The following ZNF512 variants were observed in gnomAD, a reference collection of about 807,000 sequenced individuals.
The protein encoded by ZNF512 is zinc finger protein 512.
Under a neutral mutation model 77.5 loss-of-function variants are expected in ZNF512, and 25 were observed. The observed-to-expected ratio is 0.32, with a 90% CI of 0.23 to 0.45. ZNF512 has a LOEUF of 0.45. ZNF512 is among the 20% of genes least tolerant of loss of function. ZNF512 has a pLI of 1.00. For missense variants in ZNF512, 483 were observed against 692.6 expected (o/e 0.70, Z 3.40); for synonymous variants, 246 against 239.9 (o/e 1.03, Z -0.24).
chr2:27,621,083 C>G, intron 13 of ZNF512, 70 bp from the exon 14 acceptor site: 1 of 1,535,270 alleles, frequency 6.5e-7, no homozygotes, highest in Non-Finnish European at 8.8e-7. Flanking sequence ...TTTTTCCATT[C>G]TTCCTCCACC....
At chr2:27,601,155 T>C (rs1008430157) in intron 6 of ZNF512, among the ~76,000 whole-genome samples, 4 of 152,254 alleles carry the variant, frequency 2.6e-5, no homozygotes, top group South Asian at 2.1e-4. Flanking sequence ...ATTTGGTTAA[T>C]GGTAATTCTT....
At chr2:27,614,084 A>G (rs958605623) in intron 10 of ZNF512, among the ~76,000 whole-genome samples, 3 of 152,158 alleles carry the variant, frequency 2.0e-5, no homozygotes, top group South Asian at 4.1e-4. Context: ...TTATAGATTT[A>G]CCAGAGGTTC....
At chr2:27,610,545 T>TGTGTGC (rs57413964) in intron 10 of ZNF512, among the ~76,000 whole-genome samples, 342 of 18,890 alleles carry the variant, frequency 0.018, 16 homozygotes, top group African/African-American at 0.081. Context: ...TATGTGTGTG[T>TGTGTGC]ATATATATAT....
chr2:27,600,937 A>G (rs1672090642), intron 6 of ZNF512, 122 bp downstream of exon 6: 2 of 1,290,472 alleles, frequency 1.5e-6, no homozygotes, highest in South Asian at 1.7e-5. Flanking sequence ...TAAAGGAAAC[A>G]TAGGCTTTGG....
chr2:27,616,377 C>A, intron 12 of ZNF512, 53 bp downstream of exon 12: 2 of 1,399,590 alleles, frequency 1.4e-6, no homozygotes, highest in Non-Finnish European at 2.0e-6. Flanking sequence ...AATAGTCTGA[C>A]ATGGAAGAGA....
intron 2 of ZNF512, among the ~76,000 whole-genome samples, chr2:27,584,784 T>G (rs1318921180): frequency 2.6e-5 from 4 of 152,280 alleles, no homozygotes; most frequent in Non-Finnish European, 2.9e-5. Context: ...AGTAGTTCTG[T>G]ATGTCTGGGA....
intron 13 of ZNF512, among the ~76,000 whole-genome samples, chr2:27,617,950 C>CTTT (rs34050504): frequency 3.1e-5 from 4 of 128,260 alleles, no homozygotes; most frequent in Non-Finnish European, 6.5e-5. Flanking sequence ...TCCTTGAACT[C>CTTT]TTTTTTTTTT....
At chr2:27,602,711 C>T (rs1672176011) in intron 8 of ZNF512, 150 bp downstream of exon 8, 1 of 654,336 alleles carries the variant, frequency 1.5e-6, no homozygotes, top group Admixed American at 3.7e-5. Context: ...TTATTTTCTT[C>T]CTTATTTCCA....
intron 3 of ZNF512, among the ~76,000 whole-genome samples, chr2:27,598,628 C>CA (rs761293599): frequency 0.011 from 786 of 73,286 alleles, 3 homozygotes; most frequent in Middle Eastern, 0.025. Flanking sequence ...GACTCCGTCT[C>CA]AAAAAAAAAA....
chr2:27,621,132 A>G, intron 13 of ZNF512, 21 bp from the exon 14 acceptor site: 2 of 1,597,986 alleles, frequency 1.3e-6, no homozygotes, highest in Non-Finnish European at 1.7e-6. Context: ...ACTGGATGAC[A>G]TTTCTATTTT....
At chr2:27,617,067 C>A (rs1000410750) in intron 12 of ZNF512, 5 of 178,662 alleles carry the variant, frequency 2.8e-5, no homozygotes, top group Admixed American at 2.8e-4. Context: ...TTTGAAGGCA[C>A]TTTTTGCGAC....
In ZNF512 at chr2:27,591,882, G is replaced by A. The variant is rs77474786; in HGVS notation, c.90-6185G>A. Reference sequence around the variant, plus strand: ...CTGCCTTGTGGCATTCTTGGTTTCTGTTGAGAAACCCATGGTCATTTAAAT... The same window carrying A: ...CTGCCTTGTGGCATTCTTGGTTTCTATTGAGAAACCCATGGTCATTTAAAT... On this transcript the variant is annotated intron_variant, in intron 2 of 13. Transcript: ENST00000355467. 5.2e-3 allele frequency among the ~76,000 whole-genome samples: 793 copies of A among 152,338 alleles called. 1 individual carries two copies. Among genetic ancestry groups the A allele is most frequent in the Non-Finnish European group, 7.6e-3 (519 of 68,028 alleles).
At chr2:27,593,679 T>C (rs72852141) in intron 2 of ZNF512, among the ~76,000 whole-genome samples, 260 of 152,322 alleles carry the variant, frequency 1.7e-3, no homozygotes, top group African/African-American at 6.1e-3. Flanking sequence ...TTGGTGTTTG[T>C]TGAGCTCCTT....
At chr2:27,595,680 A>G (rs1379090166) in intron 2 of ZNF512, among the ~76,000 whole-genome samples, 1 of 152,110 alleles carries the variant, frequency 6.6e-6, no homozygotes, top group Non-Finnish European at 1.5e-5. Flanking sequence ...TTCCTCTGTC[A>G]TCTCCATTCT....
chr2:27,606,660 C>T (rs1672377100), intron 9 of ZNF512, among the ~76,000 whole-genome samples: 2 of 152,112 alleles, frequency 1.3e-5, no homozygotes, highest in Admixed American at 1.3e-4. Context: ...TGTGCCTGGC[C>T]CTCAGTGTAT....
At chr2:27,586,392 G>A (rs1392894785) in intron 2 of ZNF512, among the ~76,000 whole-genome samples, 1 of 152,072 alleles carries the variant, frequency 6.6e-6, no homozygotes, top group Non-Finnish European at 1.5e-5. Flanking sequence ...GCTGTGCCCT[G>A]CTAAGTTTTT....
At chr2:27,601,301 G>A in intron 6 of ZNF512, 55 bp from the exon 7 acceptor site, 1 of 1,319,688 alleles carries the variant, frequency 7.6e-7, no homozygotes, top group South Asian at 1.3e-5. Context: ...CGGACTTCAT[G>A]ACATTCTGTT....
intron 3 of ZNF512, 93 bp downstream of exon 3, chr2:27,598,347 C>A (rs1003248454): frequency 1.5e-6 from 2 of 1,355,008 alleles, no homozygotes; most frequent in Admixed American, 1.9e-5. Context: ...TATTAAATGG[C>A]GGCTGAGCGT....
chr2:27,592,054 A>G (rs552150206), intron 2 of ZNF512, among the ~76,000 whole-genome samples: 57 of 152,054 alleles, frequency 3.7e-4, no homozygotes, highest in Admixed American at 5.9e-4. Flanking sequence ...CAGTGGCGCA[A>G]CCTCTGCTCA....
Sources: allele counts gnomAD v4.1 joint callset (sites outside exome capture counted in the v4.1 genomes callset), GRCh38; gene constraint gnomAD v4.1.1; transcripts MANE v1.5; gene names NCBI Gene and HGNC (gene_info 2026-07-23, HGNC 2026-07-21).